Variants in FAM149B1 observed in about 807,000 individuals in gnomAD.
The protein encoded by FAM149B1 is primary cilium assembly protein FAM149B1.
A neutral mutation model predicts 75.3 loss-of-function variants in FAM149B1; 56 were observed. The ratio of observed to expected loss-of-function variants is 0.74; its 90% confidence interval spans 0.60 to 0.93. The LOEUF (loss-of-function observed/expected upper bound fraction) is 0.93, where lower values mean the gene tolerates loss of function less well. Among genes scored for constraint, FAM149B1 ranks in the 40% least tolerant of loss-of-function variants. The probability of loss-of-function intolerance (pLI) is 0.00; values close to 1 mark genes in which losing one functional copy is unlikely to be tolerated. For missense variants in FAM149B1, 639 were observed against 708.4 expected (o/e 0.90, Z 1.11); for synonymous variants, 259 against 256.1 (o/e 1.01, Z -0.11).
chr10:73,205,649 A>C (rs1039328337), intron 5 of FAM149B1, among the ~76,000 whole-genome samples: 3 of 151,810 alleles, frequency 2.0e-5, no homozygotes, highest in Non-Finnish European at 4.4e-5. Flanking sequence ...CGCCTCCCGG[A>C]TTCAAGCAAT....
chr10:73,208,717 A>G lies in FAM149B1; in HGVS notation c.641A>G (p.Asp214Gly). Residue 214 changes from aspartate (D) to glycine (G), a missense_variant, in exon 6 of 14, where the codon GAT (aspartate) becomes GGT (glycine). By Grantham distance (94) the Asp-to-Gly change is moderately conservative. Coordinates refer to ENST00000242505, the MANE Select transcript of FAM149B1 (RefSeq NM_173348.2). ...KSSSFCSMER[D>G]EEDSIIVSEG... ...TCCAGCTTTTGTTCTATGGAAAGAG[A>G]TGAGGAAGACTCTATAATCGTCTCA... The G allele has an allele frequency of 6.5e-7, 1 of 1,548,880 alleles. No individual in the cohort carries two copies. The highest frequency in any genetic ancestry group is 8.7e-7 in the Non-Finnish European group (1 of 1,145,272).
chr10:73,170,571 T>A (rs1222258301), intron 1 of FAM149B1, among the ~76,000 whole-genome samples: 1 of 152,030 alleles, frequency 6.6e-6, no homozygotes, highest in African/African-American at 2.4e-5. Flanking sequence ...ATATACATCC[T>A]CAATAAATGG....
In FAM149B1 at chr10:73,181,864, T is replaced by C. The variant is rs561664193; in HGVS notation, c.282+3889T>C. Among the ~76,000 whole-genome samples, 14 of 152,374 alleles carry C rather than the reference T, an allele frequency of 9.2e-5. No homozygotes were observed. In the East Asian group the frequency reaches 2.5e-3, roughly 27 times the overall value. On this transcript the variant is annotated intron_variant, in intron 3 of 13. Transcript: ENST00000242505. ...GTTGAAGTCTCCAACTCTTATTGTA[T>C]TGGGACCTATATCTCTCTTTAGCTC...
Position 73,244,011 on chromosome 10 carries a change from TTC to T in FAM149B1, c.*2994_*2995del, listed in dbSNP as rs546476110. ...CTCTTTCCCAAAAGCAAATCTATAATTCTGTTTCAATTTTATGAATATATGAA... is the reference window on the plus strand; with the variant it reads ...CTCTTTCCCAAAAGCAAATCTATAATTGTTTCAATTTTATGAATATATGAA... On this transcript the variant is annotated 3_prime_UTR_variant, in exon 14 of 14. Transcript: ENST00000242505. The T allele has an allele frequency of 1.0e-3, 1,163 of 1,144,230 alleles. 8 individuals carry two copies. The African/African-American group carries it at 0.015, about 14-fold the overall frequency. 70.9% of individuals were successfully genotyped at this position (1,144,230 alleles called of 1,614,324 possible). A position where few individuals can be genotyped will look rare whatever the true frequency, so the allele number is the denominator to read the frequency against.
intron 3 of FAM149B1, among the ~76,000 whole-genome samples, chr10:73,179,290 A>T (rs1268948698): frequency 2.0e-5 from 3 of 151,816 alleles, no homozygotes; most frequent in African/African-American, 4.8e-5. Flanking sequence ...ATCTTTTTTC[A>T]ATCTGTATTT....
chr10:73,192,703 T>G lies in FAM149B1; in HGVS notation c.425+5T>G. On this transcript the variant is annotated splice_donor_5th_base_variant and intron_variant, in intron 4 of 13. Transcript: ENST00000242505. ...AGCTAGCTTTCCTCACCTCAGGTAC[T>G]GAAGCCCTCCAGTTGACTTGTATTC... 2.0e-6 allele frequency: 3 copies of G among 1,527,764 alleles called. No individual in the cohort carries two copies. Among genetic ancestry groups the G allele is most frequent in the Non-Finnish European group, 2.6e-6 (3 of 1,139,994 alleles). The allele number at this position is 1,527,764 out of a possible 1,614,324, so 94.6% of individuals were successfully genotyped here. A position where few individuals can be genotyped will look rare whatever the true frequency, so the allele number is the denominator to read the frequency against.
intron 3 of FAM149B1, among the ~76,000 whole-genome samples, chr10:73,181,160 C>G (rs749826790): frequency 6.6e-5 from 10 of 152,092 alleles, no homozygotes; most frequent in Non-Finnish European, 1.5e-4. Flanking sequence ...GTGCCTGCTA[C>G]CACACCCAGC....
At chr10:73,176,919 A>G (rs1384854471) in intron 2 of FAM149B1, among the ~76,000 whole-genome samples, 3 of 151,578 alleles carry the variant, frequency 2.0e-5, no homozygotes, top group African/African-American at 7.3e-5. Flanking sequence ...CCCAGCTACC[A>G]AGGAGGCTGA....
intron 9 of FAM149B1, among the ~76,000 whole-genome samples, chr10:73,231,840 C>G (rs905829441): frequency 3.3e-5 from 5 of 151,246 alleles, no homozygotes; most frequent in African/African-American, 1.2e-4. Context: ...ACAATCAAAT[C>G]CAGAAGTTCA....
chr10:73,210,150 T>C (rs2043155386), intron 6 of FAM149B1, 101 bp from the exon 7 acceptor site: 1 of 724,248 alleles, frequency 1.4e-6, no homozygotes, highest in South Asian at 2.1e-5. Flanking sequence ...TTTCCATTTT[T>C]CCTCAAATCA....
chr10:73,240,574 T>C (rs1222058824), intron 13 of FAM149B1, among the ~76,000 whole-genome samples: 1 of 151,848 alleles, frequency 6.6e-6, no homozygotes, highest in East Asian at 1.9e-4. Context: ...TAGCCGGGTG[T>C]GGTGGCAGAT....
At chr10:73,229,847 C>G (rs748411825) in intron 8 of FAM149B1, among the ~76,000 whole-genome samples, 1 of 152,132 alleles carries the variant, frequency 6.6e-6, no homozygotes, top group Non-Finnish European at 1.5e-5. Flanking sequence ...AGCTGATGAC[C>G]TGAGAAAACA....
At position 73,182,211 on chromosome 10, in the gene FAM149B1, C is replaced by CT. The variant is rs1193905747; in HGVS notation, c.282+4257dup. 2.1e-3 allele frequency among the ~76,000 whole-genome samples: 233 copies of CT among 109,378 alleles called. 1 individual carries two copies. The highest frequency in any genetic ancestry group is 6.7e-3 in the East Asian group (23 of 3,436). The allele number at this position is 109,378 out of a possible 152,430, so 71.8% of individuals were successfully genotyped here. ...TTTCATCCATTCACCCAGTCTGTGT[C>CT]TTTTTTTTTTTTTTTTTTTTTAAAT... On this transcript the variant is annotated intron_variant, in intron 3 of 13. Coordinates refer to ENST00000242505, the MANE Select transcript of FAM149B1 (RefSeq NM_173348.2).
At chr10:73,240,792 T>G (rs2043932380) in intron 13 of FAM149B1, among the ~76,000 whole-genome samples, 154 bp from the exon 14 acceptor site, 1 of 152,180 alleles carries the variant, frequency 6.6e-6, no homozygotes, top group Admixed American at 6.5e-5. Context: ...TTGCTTCTTT[T>G]TAATTAGTGG....
intron 3 of FAM149B1, among the ~76,000 whole-genome samples, chr10:73,179,865 G>C (rs565475093): frequency 5.3e-5 from 8 of 151,584 alleles, no homozygotes; most frequent in African/African-American, 1.9e-4. Context: ...ACTCCACACT[G>C]GTCAATCTGA....
chr10:73,200,320 G>A, intron 5 of FAM149B1: 1 of 417,474 alleles, frequency 2.4e-6, no homozygotes, highest in Non-Finnish European at 4.7e-6. Flanking sequence ...TGGGTGACAA[G>A]AGCGAAACTA....
At chr10:73,229,772 A>G (rs1477336185) in intron 8 of FAM149B1, among the ~76,000 whole-genome samples, 1 of 152,202 alleles carries the variant, frequency 6.6e-6, no homozygotes, top group Non-Finnish European at 1.5e-5. Flanking sequence ...TAATTCAAAC[A>G]TTCTGAAGAG....
chr10:73,170,991 A>G (rs1843686444), intron 1 of FAM149B1, among the ~76,000 whole-genome samples: 1 of 147,032 alleles, frequency 6.8e-6, no homozygotes, highest in Non-Finnish European at 1.5e-5. Flanking sequence ...TTTTTTTTTG[A>G]GACGGAGTCT....
At chr10:73,209,011 A>G (rs889850468) in intron 6 of FAM149B1, among the ~76,000 whole-genome samples, 3 of 152,100 alleles carry the variant, frequency 2.0e-5, no homozygotes, top group Non-Finnish European at 2.9e-5. Flanking sequence ...TGTTCCTGAG[A>G]TTAGAGATTT....
Sources: allele counts gnomAD v4.1 joint callset (sites outside exome capture counted in the v4.1 genomes callset), GRCh38; gene constraint gnomAD v4.1.1; transcripts MANE v1.5; gene names NCBI Gene and HGNC (gene_info 2026-07-23, HGNC 2026-07-21).